The following DIAPH2 variants were observed in gnomAD, a reference collection of about 807,000 sequenced individuals.
The protein encoded by DIAPH2 is protein diaphanous homolog 2.
A neutral mutation model predicts 92.7 loss-of-function variants in DIAPH2; 35 were observed. The ratio of observed to expected loss-of-function variants is 0.38; its 90% CI spans 0.29 to 0.50. DIAPH2 has a LOEUF of 0.50. Among genes scored for constraint, DIAPH2 ranks in the 20% least tolerant of loss-of-function variants. The probability of loss-of-function intolerance (pLI) is 0.94; values close to 1 mark genes in which losing one functional copy is unlikely to be tolerated. For synonymous variants in DIAPH2, 301 were observed against 280.4 expected, an observed-to-expected ratio of 1.07 and a Z score of -0.73; for missense variants, 701 against 819.5, an observed-to-expected ratio of 0.86 and a Z score of 1.77.
intron 23 of DIAPH2, among the ~76,000 whole-genome samples, chrX:97,277,202 G>T (rs754236960): frequency 9.0e-6 from 1 of 111,432 alleles, no homozygotes; most frequent in East Asian, 2.8e-4. Context: ...GCCAGGCATG[G>T]TGGCGTGGAC....
chrX:97,301,008 AAATTTAAGT>A (rs1410340398), intron 23 of DIAPH2, among the ~76,000 whole-genome samples: 1 of 94,160 alleles, frequency 1.1e-5, no homozygotes, highest in African/African-American at 3.8e-5. Flanking sequence ...ACAATTGTGA[AAATTTAAGT>A]AATTGGCCGG....
chrX:96,702,592 T>A (rs1039075542), intron 1 of DIAPH2, among the ~76,000 whole-genome samples: 1 of 112,261 alleles, frequency 8.9e-6, no homozygotes, highest in Non-Finnish European at 1.9e-5. Flanking sequence ...AGATTTTTTT[T>A]AAAACAGTTA....
At chrX:96,869,557 CACTACTACTACT>C (rs58876338) in intron 4 of DIAPH2, among the ~76,000 whole-genome samples, 11 of 97,922 alleles carry the variant, frequency 1.1e-4, no homozygotes, top group African/African-American at 1.9e-4. Flanking sequence ...CTACTACTAC[CACTACTACTACT>C]ACTACTACTA....
Position 97,492,649 on chromosome X carries a change from G to C in DIAPH2, c.3241+62904G>C, listed in dbSNP as rs2070732488. Among the ~76,000 whole-genome samples the C allele has an allele frequency of 1.8e-5, 2 of 110,872 alleles. 1 individual carries two copies. Among genetic ancestry groups the C allele is most frequent in the Admixed American group, 1.9e-4 (2 of 10,410 alleles). ...CTTTATCTCACCTTCACTTTTGAAG[G>C]ACAATTTTGCCAGATATAGTATTCT... On this transcript the variant is annotated intron_variant, in intron 26 of 26. Transcript: ENST00000324765.
chrX:97,318,169 T>C (rs2068855628), intron 23 of DIAPH2, among the ~76,000 whole-genome samples: 2 of 111,619 alleles, frequency 1.8e-5, no homozygotes, highest in Admixed American at 9.6e-5. Context: ...GATGGAGTCT[T>C]GCTCTGTCGC....
chrX:97,277,316 C>T (rs1010009022), intron 23 of DIAPH2, among the ~76,000 whole-genome samples: 15 of 110,032 alleles, frequency 1.4e-4, no homozygotes, highest in Admixed American at 1.9e-4. Context: ...CCAGCCTGGG[C>T]GACAGAGTGA....
chrX:96,970,347 G>GTTT (rs1342641449), intron 17 of DIAPH2, among the ~76,000 whole-genome samples: 9 of 80,326 alleles, frequency 1.1e-4, no homozygotes, highest in Non-Finnish European at 2.1e-4. Context: ...TGTTCTGGGT[G>GTTT]TTGTTGTTTG....
At chrX:97,007,038 C>A (rs1311668007) in intron 17 of DIAPH2, among the ~76,000 whole-genome samples, 1 of 111,785 alleles carries the variant, frequency 8.9e-6, no homozygotes, top group Non-Finnish European at 1.9e-5. Context: ...CATAAACAAA[C>A]AAGCAAAGAG....
chrX:97,129,105 T>TCTTTTCTTTTCTTTC, intron 21 of DIAPH2, among the ~76,000 whole-genome samples: 1 of 65,543 alleles, frequency 1.5e-5, no homozygotes, highest in East Asian at 4.1e-4. Flanking sequence ...TCTTTTCTTT[T>TCTTTTCTTTTCTTTC]CTTTTCTTTT....
intron 24 of DIAPH2, among the ~76,000 whole-genome samples, chrX:97,350,423 C>T (rs1190048102): frequency 9.0e-6 from 1 of 111,510 alleles, no homozygotes; most frequent in Non-Finnish European, 1.9e-5. Context: ...TACACAGACA[C>T]AGAGTAGTAG....
chrX:97,145,692 A>G (rs1368742745), intron 22 of DIAPH2, among the ~76,000 whole-genome samples: 1 of 110,333 alleles, frequency 9.1e-6, no homozygotes, highest in Non-Finnish European at 1.9e-5. Flanking sequence ...GGGCCATATC[A>G]ATCCCTACTC....
chrX:97,433,724 C>T (rs762639148), intron 26 of DIAPH2, among the ~76,000 whole-genome samples: 19 of 111,389 alleles, frequency 1.7e-4, no homozygotes, highest in Non-Finnish European at 3.6e-4. Context: ...GTAAAAGGTA[C>T]TATGCTGTAC....
chrX:97,256,735 G>T (rs2068239336), intron 23 of DIAPH2, among the ~76,000 whole-genome samples: 1 of 111,451 alleles, frequency 9.0e-6, no homozygotes, highest in African/African-American at 3.3e-5. Flanking sequence ...CGCCATCTCG[G>T]CTCACTGCAA....
intron 23 of DIAPH2, among the ~76,000 whole-genome samples, chrX:97,277,883 G>A (rs2068464450): frequency 8.9e-6 from 1 of 112,354 alleles, no homozygotes; most frequent in African/African-American, 3.2e-5. Flanking sequence ...TTCTCGCTCT[G>A]TTGCCAGGCT....
intron 26 of DIAPH2, among the ~76,000 whole-genome samples, chrX:97,477,640 G>A (rs1008171738): frequency 1.8e-5 from 2 of 108,705 alleles, no homozygotes; most frequent in Non-Finnish European, 3.8e-5. Flanking sequence ...ATATATATAT[G>A]TGTGTGTGTG....
intron 26 of DIAPH2, among the ~76,000 whole-genome samples, chrX:97,440,343 G>A (rs1283604927): frequency 9.0e-6 from 1 of 111,480 alleles, no homozygotes; most frequent in African/African-American, 3.3e-5. Context: ...TGTAATCCCA[G>A]CACTTTGGGA....
chrX:97,220,602 T>C (rs959586371), intron 22 of DIAPH2, among the ~76,000 whole-genome samples: 1 of 111,191 alleles, frequency 9.0e-6, no homozygotes, highest in African/African-American at 3.3e-5. Flanking sequence ...GGGAAGGTGA[T>C]GTGGGAGCAG....
intron 22 of DIAPH2, among the ~76,000 whole-genome samples, chrX:97,224,779 A>T (rs1226129175): frequency 1.8e-5 from 2 of 111,746 alleles, no homozygotes; most frequent in Non-Finnish European, 3.8e-5. Flanking sequence ...ATCTCAGTAA[A>T]GTGGGTCATA....
At chrX:97,412,577 G>A (rs1481146644) in intron 25 of DIAPH2, among the ~76,000 whole-genome samples, 1 of 111,673 alleles carries the variant, frequency 9.0e-6, no homozygotes, top group African/African-American at 3.3e-5. Context: ...AGGAGATAGA[G>A]ACACAAAAAA....
Sources: gnomAD v4.1 joint callset for allele counts (sites outside exome capture counted in the v4.1 genomes callset) on GRCh38, gnomAD v4.1.1 for gene constraint, MANE v1.5 for transcripts, NCBI Gene and HGNC (gene_info 2026-07-23, HGNC 2026-07-21) for gene names.